The following TBC1D5 variants were observed in gnomAD, a reference collection of about 807,000 sequenced individuals.
TBC1D5 encodes TBC1 domain family member 5.
A neutral mutation model predicts 100.3 loss-of-function variants in TBC1D5; 75 were observed. The observed-to-expected ratio is 0.75, with a 90% CI of 0.62 to 0.91. The LOEUF (loss-of-function observed/expected upper bound fraction) is 0.91, where lower values mean the gene tolerates loss of function less well. Ranked by LOEUF, TBC1D5 falls within the 40% of genes least tolerant of loss-of-function variation. TBC1D5 has a pLI of 0.00. For missense variants in TBC1D5, 910 were observed against 942.4 expected (o/e 0.97, Z 0.45); for synonymous variants, 323 against 325.6 (o/e 0.99, Z 0.09).
intron 3 of TBC1D5, among the ~76,000 whole-genome samples, chr3:17,434,955 C>G (rs1168762713): frequency 6.6e-6 from 1 of 152,214 alleles, no homozygotes; most frequent in Non-Finnish European, 1.5e-5. Flanking sequence ...TTTCACCGAT[C>G]ACTAGGGCAG....
intron 15 of TBC1D5, among the ~76,000 whole-genome samples, chr3:17,287,172 T>G (rs1215285514): frequency 6.6e-6 from 1 of 152,190 alleles, no homozygotes; most frequent in Non-Finnish European, 1.5e-5. Context: ...TGAACATGGG[T>G]TCCAGAAATA....
chr3:17,455,530 A>ATGTGTG lies in TBC1D5; in HGVS notation c.98-27017_98-27012dup, dbSNP rs144088938. Among the ~76,000 whole-genome samples the ATGTGTG allele has an allele frequency of 6.5e-3, 932 of 143,330 alleles. 2 individuals carry two copies. The highest frequency in any genetic ancestry group is 0.014 in the Middle Eastern group (4 of 276). 94.0% of individuals were successfully genotyped at this position (143,330 alleles called of 152,430 possible). ...TGTGTGTGTATATATATATATATAT[A>ATGTGTG]TGTGTGTGTGTGTGTATATATATAT... On this transcript the variant is annotated intron_variant, in intron 3 of 21. Transcript: ENST00000253692.
intron 2 of TBC1D5, among the ~76,000 whole-genome samples, chr3:17,518,433 G>A (rs568641525): frequency 2.6e-5 from 4 of 152,308 alleles, no homozygotes; most frequent in South Asian, 4.1e-4. Flanking sequence ...GCTTTACAGA[G>A]GGACAGCTTG....
chr3:17,422,800 G>A (rs2094244277), intron 4 of TBC1D5, among the ~76,000 whole-genome samples: 1 of 152,034 alleles, frequency 6.6e-6, no homozygotes, highest in Non-Finnish European at 1.5e-5. Context: ...GCTAAAACTT[G>A]AAGGCTAATT....
At chr3:17,431,377 C>G (rs970347960) in intron 3 of TBC1D5, among the ~76,000 whole-genome samples, 1 of 151,944 alleles carries the variant, frequency 6.6e-6, no homozygotes, top group African/African-American at 2.4e-5. Flanking sequence ...AATAATTTAA[C>G]TAATCTGCAA....
chr3:17,544,403 G>A lies in TBC1D5; in HGVS notation c.-35-35798C>T, dbSNP rs181772882. Among the ~76,000 whole-genome samples, 1,369 of 152,116 alleles carry A rather than the reference G, an allele frequency of 9.0e-3. 13 individuals carry two copies. The highest frequency in any genetic ancestry group is 0.037 in the Middle Eastern group (11 of 294). ...CGCACTGGCTCACGCTTGTAATCCC[G>A]GCACTCTGGGAGGCCAAAGCAGGCA... On this transcript the variant is annotated intron_variant, in intron 2 of 21. Coordinates refer to ENST00000253692, the Ensembl canonical transcript of TBC1D5.
At chr3:17,350,742 T>A (rs1166861879) in intron 13 of TBC1D5, among the ~76,000 whole-genome samples, 1 of 152,150 alleles carries the variant, frequency 6.6e-6, no homozygotes, top group Non-Finnish European at 1.5e-5. Context: ...GAAATTTTTT[T>A]AACTATATTT....
intron 3 of TBC1D5, among the ~76,000 whole-genome samples, chr3:17,500,726 A>C (rs1281485277): frequency 6.7e-6 from 1 of 149,484 alleles, no homozygotes; most frequent in East Asian, 1.9e-4. Flanking sequence ...TTCCTCCAGT[A>C]AGTACTATTA....
intron 8 of TBC1D5, 95 bp downstream of exon 8, chr3:17,403,086 A>G (rs2093685903): frequency 9.3e-7 from 1 of 1,079,034 alleles, no homozygotes; most frequent in East Asian, 2.8e-5. Flanking sequence ...ACTGCATTCA[A>G]TTAAGTTGAC....
exon 22 of TBC1D5, chr3:17,159,310 G>A: frequency 6.6e-6 from 1 of 152,370 alleles, no homozygotes; most frequent in Non-Finnish European, 1.5e-5. Context: ...CCATTTTCTT[G>A]GAGGGCAGGT....
chr3:17,731,834 A>T (rs76227303), intron 1 of TBC1D5, among the ~76,000 whole-genome samples: 115 of 150,638 alleles, frequency 7.6e-4, no homozygotes, highest in Middle Eastern at 3.4e-3. Flanking sequence ...TGCTGAGATT[A>T]AAAAAAAAAT....
At chr3:17,223,926 A>G (rs966686681) in intron 17 of TBC1D5, among the ~76,000 whole-genome samples, 1 of 141,448 alleles carries the variant, frequency 7.1e-6, no homozygotes, top group South Asian at 2.2e-4. Flanking sequence ...AAAACAAAAC[A>G]AAACAAACAA....
intron 2 of TBC1D5, among the ~76,000 whole-genome samples, chr3:17,545,865 T>C (rs1183466794): frequency 1.3e-5 from 2 of 152,220 alleles, no homozygotes; most frequent in African/African-American, 4.8e-5. Flanking sequence ...AGCACCCTTC[T>C]TGTCACCCTT....
intron 1 of TBC1D5, among the ~76,000 whole-genome samples, chr3:17,640,606 T>C (rs914407326): frequency 3.3e-5 from 5 of 152,126 alleles, no homozygotes; most frequent in Admixed American, 2.6e-4. Context: ...TCATTATACC[T>C]TTTTAAAGAT....
intron 1 of TBC1D5, among the ~76,000 whole-genome samples, chr3:17,644,986 T>C (rs1412518417): frequency 2.0e-5 from 3 of 152,214 alleles, no homozygotes; most frequent in African/African-American, 7.2e-5. Context: ...ATGAGCAAGA[T>C]TTTATTTAAG....
At chr3:17,224,515 T>A (rs1545424) in intron 17 of TBC1D5, among the ~76,000 whole-genome samples, 61,931 of 151,766 alleles carry the variant, frequency 0.41, 13,286 homozygotes, top group Middle Eastern at 0.49. Flanking sequence ...TGCATATTTT[T>A]TACTCACAGC....
Position 17,508,610 on chromosome 3 carries a change from G to C in TBC1D5, c.-35-5C>G, listed in dbSNP as rs1329703532. On this transcript the variant is annotated splice_polypyrimidine_tract_variant and splice_region_variant and intron_variant, in intron 2 of 21. Transcript: ENST00000253692. ...AGCGTCACCAAAAGTAACTACCTGG[G>C]AGGTGAAAAAATACAGAGAAAAATA... 3.5e-6 allele frequency: 5 copies of C among 1,414,354 alleles called. No homozygotes were observed. The highest frequency in any genetic ancestry group is 3.4e-5 in the Admixed American group (2 of 59,236). The allele number at this position is 1,414,354 out of a possible 1,614,324, so 87.6% of individuals were successfully genotyped here. A position where few individuals can be genotyped will look rare whatever the true frequency, so the allele number is the denominator to read the frequency against.
chr3:17,736,805 G>C (rs991166688), intron 1 of TBC1D5, among the ~76,000 whole-genome samples: 3 of 152,166 alleles, frequency 2.0e-5, no homozygotes, highest in African/African-American at 7.2e-5. Context: ...TGAGTCAGGA[G>C]TTTGAGACCA....
intron 8 of TBC1D5, among the ~76,000 whole-genome samples, chr3:17,395,328 T>C (rs866396958): frequency 6.6e-6 from 1 of 152,198 alleles, no homozygotes; most frequent in South Asian, 2.1e-4. Context: ...CGTAGGTAGA[T>C]ACACTGTATA....
Sources: allele counts gnomAD v4.1 joint callset (sites outside exome capture counted in the v4.1 genomes callset), GRCh38; gene constraint gnomAD v4.1.1; transcripts MANE v1.5; gene names NCBI Gene and HGNC (gene_info 2026-07-23, HGNC 2026-07-21).